Variants in CCDC150 observed in about 807,000 individuals in gnomAD.
CCDC150 encodes the protein coiled-coil domain-containing protein 150.
A neutral mutation model predicts 156.5 loss-of-function variants in CCDC150; 151 were observed. That is an observed-to-expected ratio of 0.97 (90% confidence interval 0.85 to 1.10). CCDC150 has a LOEUF of 1.10. CCDC150 is among the 50% of genes least tolerant of loss of function. The pLI, the probability that CCDC150 is intolerant of heterozygous loss-of-function variation, is 0.00. For missense variants in CCDC150, 1,312 were observed against 1,268.1 expected, an observed-to-expected ratio of 1.03 and a Z score of -0.53; for synonymous variants, 452 against 429.4, an observed-to-expected ratio of 1.05 and a Z score of -0.65.
chr2:196,650,646 C>A (rs532650480), intron 2 of CCDC150, among the ~76,000 whole-genome samples: 1 of 152,338 alleles, frequency 6.6e-6, no homozygotes, highest in African/African-American at 2.4e-5. Context: ...CGTGCCTCGG[C>A]CTCCCAAAGT....
chr2:196,650,373 T>C (rs1692806347), intron 2 of CCDC150, among the ~76,000 whole-genome samples: 1 of 152,178 alleles, frequency 6.6e-6, no homozygotes, highest in Non-Finnish European at 1.5e-5. Context: ...CCTTTTACTG[T>C]ACTGTGGAAG....
intron 21 of CCDC150, 146 bp downstream of exon 21, chr2:196,721,837 C>T (rs1697935500): frequency 1.6e-6 from 1 of 623,160 alleles, no homozygotes; most frequent in Non-Finnish European, 2.7e-6. Context: ...TGTTAAGAAC[C>T]AGGCATACCT....
intron 15 of CCDC150, among the ~76,000 whole-genome samples, chr2:196,708,436 G>A (rs970855533): frequency 1.3e-5 from 2 of 152,076 alleles, no homozygotes; most frequent in African/African-American, 4.8e-5. Flanking sequence ...ATACAGCACA[G>A]TGATGGGTCT....
At position 196,658,875 on chromosome 2, in the gene CCDC150, TGGAGGGTGGA is replaced by T; in HGVS notation, c.645+21_645+30del. Reference sequence around the variant, plus strand: ...AAATTCAAGAGGTAAGACAAAAAGATGGAGGGTGGAGGAGGTGTTGGAATTGCAGAGGGGA... The same window carrying T: ...AAATTCAAGAGGTAAGACAAAAAGATGGAGGTGTTGGAATTGCAGAGGGGA... On this transcript the variant is annotated intron_variant, in intron 5 of 27. Transcript: ENST00000389175. The T allele has an allele frequency of 6.4e-7, 1 of 1,564,570 alleles. No individual in the cohort carries two copies. The highest frequency in any genetic ancestry group is 8.7e-7 in the Non-Finnish European group (1 of 1,144,664).
At chr2:196,721,060 T>C (rs970447410) in intron 20 of CCDC150, among the ~76,000 whole-genome samples, 17 of 152,198 alleles carry the variant, frequency 1.1e-4, no homozygotes, top group African/African-American at 3.9e-4. Flanking sequence ...CTTACATGCA[T>C]ACATATCTAT....
chr2:196,666,574 T>G, intron 6 of CCDC150, 145 bp from the exon 7 acceptor site: 1 of 700,084 alleles, frequency 1.4e-6, no homozygotes, highest in Non-Finnish European at 2.4e-6. Flanking sequence ...CCGCATTCTG[T>G]TGAGATTTTA....
intron 16 of CCDC150, 131 bp from the exon 17 acceptor site, chr2:196,712,546 G>A: frequency 1.6e-6 from 1 of 631,590 alleles, no homozygotes; most frequent in Non-Finnish European, 2.8e-6. Flanking sequence ...CAGAAAAATA[G>A]ATTGTATTAC....
chr2:196,692,385 C>T (rs891767648), intron 13 of CCDC150, among the ~76,000 whole-genome samples: 1 of 151,894 alleles, frequency 6.6e-6, no homozygotes, highest in Non-Finnish European at 1.5e-5. Flanking sequence ...CCACCCGCCT[C>T]AGCCTCCCAA....
chr2:196,654,519 A>G (rs1290466729), intron 2 of CCDC150, among the ~76,000 whole-genome samples: 1 of 151,652 alleles, frequency 6.6e-6, no homozygotes, highest in African/African-American at 2.4e-5. Flanking sequence ...CACTTCATAT[A>G]GTCTGCCATT....
chr2:196,701,355 G>A (rs1243463267), intron 15 of CCDC150, among the ~76,000 whole-genome samples, 175 bp downstream of exon 15: 4 of 152,100 alleles, frequency 2.6e-5, no homozygotes, highest in African/African-American at 9.7e-5. Flanking sequence ...TTTACATACT[G>A]TAGTTGCTGA....
At position 196,693,466 on chromosome 2, in the gene CCDC150, GT is replaced by G. The variant is rs376569810; in HGVS notation, c.1510-1578del. On this transcript the variant is annotated intron_variant, in intron 13 of 27. Transcript: ENST00000389175. Reference sequence around the variant, plus strand: ...AAACGTGAATTTCCAATTGTACATTGTTAATATATAGAAATACAATAGATTT... The same window carrying G: ...AAACGTGAATTTCCAATTGTACATTGTAATATATAGAAATACAATAGATTT... 9.9e-4 allele frequency among the ~76,000 whole-genome samples: 151 copies of G among 152,214 alleles called. No homozygotes were observed. The East Asian group carries it at 0.019, about 19-fold the overall frequency.
chr2:196,660,213 T>C (rs1360084899), intron 5 of CCDC150, among the ~76,000 whole-genome samples: 1 of 152,240 alleles, frequency 6.6e-6, no homozygotes, highest in Non-Finnish European at 1.5e-5. Flanking sequence ...ATTCACCTAT[T>C]GAAGGACATA....
intron 14 of CCDC150, among the ~76,000 whole-genome samples, chr2:196,698,839 C>T (rs561700971): frequency 1.3e-5 from 2 of 152,170 alleles, no homozygotes; most frequent in East Asian, 3.8e-4. Context: ...ATCCCTCCCC[C>T]CTCTCCCCAC....
intron 21 of CCDC150, among the ~76,000 whole-genome samples, chr2:196,722,525 C>T (rs1025648391): frequency 3.9e-5 from 6 of 152,038 alleles, no homozygotes; most frequent in African/African-American, 1.4e-4. Context: ...AATCCACCTG[C>T]CTGGCCTCCC....
intron 7 of CCDC150, among the ~76,000 whole-genome samples, chr2:196,668,915 G>A (rs1051336873): frequency 1.3e-5 from 2 of 151,964 alleles, no homozygotes; most frequent in Admixed American, 6.6e-5. Flanking sequence ...GTTTTTCTAA[G>A]GTATATCCTA....
intron 15 of CCDC150, 87 bp downstream of exon 15, chr2:196,701,267 T>C: frequency 2.2e-6 from 2 of 914,618 alleles, no homozygotes; most frequent in South Asian, 3.2e-5. Flanking sequence ...TGAGAATACC[T>C]AGCTCTGTCA....
intron 15 of CCDC150, among the ~76,000 whole-genome samples, chr2:196,707,518 G>T (rs897719679): frequency 6.6e-6 from 1 of 151,964 alleles, no homozygotes; most frequent in African/African-American, 2.4e-5. Context: ...CTTCAGTTCT[G>T]CTCTGATCTT....
At chr2:196,654,086 C>T (rs973519671) in intron 2 of CCDC150, among the ~76,000 whole-genome samples, 1 of 152,176 alleles carries the variant, frequency 6.6e-6, no homozygotes, top group African/African-American at 2.4e-5. Context: ...ATTGCCAAGA[C>T]ATTCATGAGT....
intron 6 of CCDC150, among the ~76,000 whole-genome samples, chr2:196,665,980 A>G (rs1173362645): frequency 1.3e-5 from 2 of 152,160 alleles, no homozygotes; most frequent in African/African-American, 2.4e-5. Flanking sequence ...AGAAAGATAA[A>G]GTATTTTTCC....
Sources: gnomAD v4.1 joint callset for allele counts (sites outside exome capture counted in the v4.1 genomes callset) on GRCh38, gnomAD v4.1.1 for gene constraint, MANE v1.5 for transcripts, NCBI Gene and HGNC (gene_info 2026-07-23, HGNC 2026-07-21) for gene names.